The following PARN variants were observed in gnomAD, a reference collection of about 807,000 sequenced individuals.
The protein encoded by PARN is poly(A)-specific ribonuclease, also known as poly(A)-specific ribonuclease PARN.
Under a neutral mutation model 102.8 loss-of-function variants are expected in PARN, and 71 were observed. That is an observed-to-expected ratio of 0.69 (90% confidence interval 0.57 to 0.84). PARN has a LOEUF of 0.84. Ranked by LOEUF, PARN falls within the 40% of genes least tolerant of loss-of-function variation. The probability of loss-of-function intolerance (pLI) is 0.00; values close to 1 mark genes in which losing one functional copy is unlikely to be tolerated. For synonymous variants in PARN, 261 were observed against 252.9 expected (o/e 1.03, Z -0.30); for missense variants, 782 against 760.9 (o/e 1.03, Z -0.33).
intron 22 of PARN, among the ~76,000 whole-genome samples, chr16:14,468,229 C>T (rs573145713): frequency 5.9e-5 from 9 of 152,288 alleles, no homozygotes; most frequent in African/African-American, 1.9e-4. Flanking sequence ...TGACTCTGAG[C>T]AAGTTCCTCA....
rs537902741 is a variant in PARN at position 14,622,802 on chromosome 16, G to A, written c.327+4304C>T. On this transcript the variant is annotated intron_variant, in intron 5 of 23. Transcript: ENST00000437198. Reference sequence around the variant, plus strand: ...ATTACAGGAGTGAGTCACCACACCCGGCCCATTTTTTACAATGTAAGCCTG... The same window carrying A: ...ATTACAGGAGTGAGTCACCACACCCAGCCCATTTTTTACAATGTAAGCCTG... Among the ~76,000 whole-genome samples, 51 of 152,198 alleles carry A rather than the reference G, an allele frequency of 3.4e-4. 1 individual carries two copies. Among genetic ancestry groups the A allele is most frequent in the Admixed American group, 2.9e-3 (45 of 15,268 alleles).
chr16:14,454,960 AC>A (rs1259787574), intron 22 of PARN, among the ~76,000 whole-genome samples: 1 of 152,226 alleles, frequency 6.6e-6, no homozygotes, highest in Non-Finnish European at 1.5e-5. Context: ...TGAGAAAAGC[AC>A]GTATTTCAAT....
intron 21 of PARN, among the ~76,000 whole-genome samples, chr16:14,494,240 T>C (rs1418419572): frequency 6.6e-6 from 1 of 152,230 alleles, no homozygotes; most frequent in African/African-American, 2.4e-5. Flanking sequence ...TGTTCATTTA[T>C]TCATCTATCC....
At chr16:14,578,170 A>T (rs1332788827) in intron 18 of PARN, among the ~76,000 whole-genome samples, 1 of 149,026 alleles carries the variant, frequency 6.7e-6, no homozygotes, top group Non-Finnish European at 1.5e-5. Flanking sequence ...CTCTACTAAA[A>T]ATACAAAAAT....
chr16:14,595,980 AG>A (rs1970481343), intron 12 of PARN, among the ~76,000 whole-genome samples: 1 of 152,158 alleles, frequency 6.6e-6, no homozygotes, highest in Non-Finnish European at 1.5e-5. Flanking sequence ...ACATTTATAT[AG>A]ATCCACACAC....
In PARN at chr16:14,582,299, A is replaced by G. The variant is rs1048848532; in HGVS notation, c.1082-8T>C. On this transcript the variant is annotated splice_region_variant and splice_polypyrimidine_tract_variant and intron_variant, in intron 16 of 23. Coordinates refer to ENST00000437198, the MANE Select transcript of PARN (RefSeq NM_002582.4). ...GAAAACCTTCGGCACTTTCTAAGAAAAAAAAGGAAAAAGTTTTCCTCAAAA... is the reference window on the plus strand; with the variant it reads ...GAAAACCTTCGGCACTTTCTAAGAAGAAAAAGGAAAAAGTTTTCCTCAAAA... 6.3e-7 allele frequency: 1 copy of G among 1,595,208 alleles called. No individual in the cohort carries two copies. Among genetic ancestry groups the G allele is most frequent in the Admixed American group, 1.7e-5 (1 of 59,964 alleles).
intron 5 of PARN, among the ~76,000 whole-genome samples, chr16:14,618,996 G>A (rs1248932940): frequency 6.6e-6 from 1 of 152,052 alleles, no homozygotes; most frequent in Non-Finnish European, 1.5e-5. Context: ...AGGAGTTAAA[G>A]ACCAGCTTGG....
intron 22 of PARN, among the ~76,000 whole-genome samples, chr16:14,451,899 A>AAAGAAAAG (rs1961479508): frequency 6.9e-6 from 1 of 145,188 alleles, no homozygotes; most frequent in Admixed American, 6.8e-5. Context: ...AAAATACAAA[A>AAAGAAAAG]AATTAGCCAG....
intron 13 of PARN, among the ~76,000 whole-genome samples, chr16:14,590,784 A>G (rs1271014133): frequency 2.0e-5 from 3 of 152,166 alleles, no homozygotes; most frequent in Non-Finnish European, 4.4e-5. Context: ...AAGAAATACA[A>G]GGGGAGCAAC....
intron 21 of PARN, among the ~76,000 whole-genome samples, chr16:14,501,294 C>T (rs1374860656): frequency 2.1e-5 from 3 of 142,174 alleles, no homozygotes; most frequent in East Asian, 2.0e-4. Context: ...AACAAAAAAA[C>T]AATAATAATA....
chr16:14,549,950 G>A (rs997765510), intron 21 of PARN, among the ~76,000 whole-genome samples: 3 of 152,202 alleles, frequency 2.0e-5, no homozygotes, highest in Non-Finnish European at 4.4e-5. Context: ...CTGACAAGTG[G>A]TGGAGCCAAA....
chr16:14,563,006 T>C (rs1047641512), intron 18 of PARN, among the ~76,000 whole-genome samples: 2 of 152,200 alleles, frequency 1.3e-5, no homozygotes, highest in Admixed American at 1.3e-4. Context: ...TATTAACCCA[T>C]TTCACGCAGC....
intron 9 of PARN, 154 bp downstream of exon 9, chr16:14,608,127 T>C: frequency 1.6e-6 from 1 of 643,370 alleles, no homozygotes. Flanking sequence ...GAAAATTAAG[T>C]GAGTATTCAA....
At chr16:14,549,211 C>G (rs538704894) in intron 21 of PARN, among the ~76,000 whole-genome samples, 1 of 152,154 alleles carries the variant, frequency 6.6e-6, no homozygotes, top group African/African-American at 2.4e-5. Context: ...AGAGACTATA[C>G]CGGAAAATTA....
At chr16:14,562,149 A>T (rs1260482349) in intron 18 of PARN, among the ~76,000 whole-genome samples, 1 of 152,170 alleles carries the variant, frequency 6.6e-6, no homozygotes, top group African/African-American at 2.4e-5. Context: ...AAAAGAAAAG[A>T]AAAGTACAAA....
chr16:14,563,935 G>A (rs1327671281), intron 18 of PARN, among the ~76,000 whole-genome samples: 2 of 152,072 alleles, frequency 1.3e-5, no homozygotes, highest in South Asian at 4.1e-4. Context: ...ATTTATCATG[G>A]CCTGTTCAGC....
intron 21 of PARN, among the ~76,000 whole-genome samples, chr16:14,492,095 T>C (rs973179578): frequency 6.6e-5 from 10 of 152,224 alleles, no homozygotes; most frequent in African/African-American, 2.2e-4. Context: ...TCCTTGTCCT[T>C]CATGCTTCCT....
intron 5 of PARN, among the ~76,000 whole-genome samples, chr16:14,620,875 T>C (rs1260584872): frequency 1.3e-5 from 2 of 152,238 alleles, no homozygotes; most frequent in African/African-American, 2.4e-5. Context: ...ACAAATTCTG[T>C]GTTCTATTCA....
At chr16:14,626,000 A>C (rs1437089616) in intron 5 of PARN, among the ~76,000 whole-genome samples, 4 of 152,190 alleles carry the variant, frequency 2.6e-5, no homozygotes, top group African/African-American at 4.8e-5. Context: ...ATATTTACTG[A>C]GTGTCTACCA....
Sources: gnomAD v4.1 joint callset for allele counts (sites outside exome capture counted in the v4.1 genomes callset) on GRCh38, gnomAD v4.1.1 for gene constraint, MANE v1.5 for transcripts, NCBI Gene and HGNC (gene_info 2026-07-23, HGNC 2026-07-21) for gene names.